SSPN: variants seen among roughly 807,000 people sequenced by gnomAD.
SSPN encodes sarcospan, also known as K-ras oncogene-associated protein.
Under a neutral mutation model 19.1 loss-of-function variants are expected in SSPN, and 15 were observed. The observed-to-expected ratio is 0.78, with a 90% CI of 0.52 to 1.21. SSPN has a LOEUF of 1.21. SSPN is among the 50% of genes most tolerant of loss of function. The probability of loss-of-function intolerance (pLI) is 0.00; values close to 1 mark genes in which losing one functional copy is unlikely to be tolerated. For missense variants in SSPN, 291 were observed against 314.0 expected (o/e 0.93, Z 0.55); for synonymous variants, 147 against 140.3 (o/e 1.05, Z -0.34).
chr12:26,195,435 G>C (rs1168280470), upstream of SSPN: 5 of 656,010 alleles, frequency 7.6e-6, no homozygotes, highest in South Asian at 7.1e-5. Flanking sequence ...AATCCTGCCC[G>C]GGGCCCGGCA....
intron 1 of SSPN, among the ~76,000 whole-genome samples, chr12:26,132,820 T>C (rs1248887146): frequency 6.6e-6 from 1 of 152,240 alleles, no homozygotes; most frequent in Admixed American, 6.5e-5. Context: ...TGTTTGAAGC[T>C]AACTTTGCTC....
At chr12:26,132,924 C>T (rs1944404479) in intron 1 of SSPN, among the ~76,000 whole-genome samples, 1 of 152,228 alleles carries the variant, frequency 6.6e-6, no homozygotes, top group Non-Finnish European at 1.5e-5. Context: ...AGCCCTCACC[C>T]TGACCCCAGT....
At chr12:26,165,755 C>T (rs1944616896) in intron 1 of SSPN, among the ~76,000 whole-genome samples, 1 of 152,146 alleles carries the variant, frequency 6.6e-6, no homozygotes, top group Admixed American at 6.5e-5. Flanking sequence ...TCATTATCAA[C>T]CTAGGATAGA....
intron 1 of SSPN, among the ~76,000 whole-genome samples, chr12:26,148,689 A>G (rs1019510514): frequency 3.3e-5 from 5 of 152,246 alleles, no homozygotes; most frequent in African/African-American, 1.2e-4. Context: ...AGACTGTAAC[A>G]TGGTGCATTT....
At chr12:26,221,797 C>T (rs1049503414) in intron 1 of SSPN, among the ~76,000 whole-genome samples, 2 of 152,184 alleles carry the variant, frequency 1.3e-5, no homozygotes, top group African/African-American at 4.8e-5. Context: ...CACCTACAGA[C>T]AGAAACTCAC....
intron 1 of SSPN, among the ~76,000 whole-genome samples, chr12:26,179,600 G>A (rs187130639): frequency 1.2e-4 from 18 of 152,278 alleles, no homozygotes; most frequent in African/African-American, 3.9e-4. Context: ...CTGCATGGAT[G>A]TGTTTTCAGT....
upstream of SSPN, among the ~76,000 whole-genome samples, chr12:26,191,697 CACACACACACACACACACACA>C (rs1261857962): frequency 5.7e-5 from 4 of 70,420 alleles, no homozygotes; most frequent in Admixed American, 1.3e-4. Flanking sequence ...CACACACACA[CACACACACACACACACACACA>C]AATACACACA....
chr12:26,195,601 CA>C lies in SSPN; in HGVS notation c.-71del. The C allele has an allele frequency of 7.5e-7, 1 of 1,339,340 alleles. No individual in the cohort carries two copies. The highest frequency in any genetic ancestry group is 9.5e-7 in the Non-Finnish European group (1 of 1,051,862). 83.0% of individuals were successfully genotyped at this position (1,339,340 alleles called of 1,614,324 possible). A position where few individuals can be genotyped will look rare whatever the true frequency, so the allele number is the denominator to read the frequency against. On this transcript the variant is annotated 5_prime_UTR_variant, in exon 1 of 3. Transcript: ENST00000242729. ...ATTCGAATACCAGGGCAGGCCGAGC[CA>C]GCCGTGCGCCGCGCTCCAGGGCCCA...
At chr12:26,209,392 G>T (rs1314540098) in intron 1 of SSPN, among the ~76,000 whole-genome samples, 1 of 152,016 alleles carries the variant, frequency 6.6e-6, no homozygotes, top group African/African-American at 2.4e-5. Context: ...AATTAAGTTT[G>T]TTCCCTTTGC....
intron 1 of SSPN, chr12:26,214,644 C>T (rs1315265792): frequency 1.3e-5 from 2 of 152,194 alleles, no homozygotes; most frequent in Non-Finnish European, 2.9e-5. Context: ...CTTGATTTTA[C>T]AGAATCAAAT....
At chr12:26,141,011 C>A (rs1440663053) in intron 1 of SSPN, among the ~76,000 whole-genome samples, 1 of 152,170 alleles carries the variant, frequency 6.6e-6, no homozygotes, top group Non-Finnish European at 1.5e-5. Context: ...AAAGTCCAAT[C>A]TATAGTAGGC....
At chr12:26,208,205 C>T (rs12318384) in intron 1 of SSPN, among the ~76,000 whole-genome samples, 14,742 of 152,142 alleles carry the variant, frequency 0.097, 1,500 homozygotes, top group African/African-American at 0.26. Flanking sequence ...ATATAGACAT[C>T]GTCAAATTAC....
At chr12:26,219,822 A>G (rs1204238120) in intron 1 of SSPN, among the ~76,000 whole-genome samples, 1 of 152,112 alleles carries the variant, frequency 6.6e-6, no homozygotes, top group Non-Finnish European at 1.5e-5. Flanking sequence ...CACACGTGCC[A>G]TTTGCCTTTG....
chr12:26,187,825 C>T (rs930481495), intron 1 of SSPN, among the ~76,000 whole-genome samples: 1 of 152,188 alleles, frequency 6.6e-6, no homozygotes, highest in African/African-American at 2.4e-5. Flanking sequence ...ACTAATTCAG[C>T]AGTTGAAACT....
chr12:26,173,437 T>C (rs907591815), intron 1 of SSPN, among the ~76,000 whole-genome samples: 3 of 152,192 alleles, frequency 2.0e-5, no homozygotes, highest in African/African-American at 7.2e-5. Flanking sequence ...GCATCCCTAC[T>C]CTGGAGCCTT....
chr12:26,206,814 A>G (rs919770716), intron 1 of SSPN, among the ~76,000 whole-genome samples: 4 of 152,218 alleles, frequency 2.6e-5, no homozygotes, highest in Non-Finnish European at 5.9e-5. Flanking sequence ...TTGGAAATTG[A>G]TTATTTTGCA....
chr12:26,129,986 T>C (rs1245596254), intron 1 of SSPN, among the ~76,000 whole-genome samples: 1 of 152,134 alleles, frequency 6.6e-6, no homozygotes, highest in Non-Finnish European at 1.5e-5. Context: ...AATAGGAGGA[T>C]TCCCTGGCCC....
intron 1 of SSPN, among the ~76,000 whole-genome samples, chr12:26,142,838 G>A (rs923629793): frequency 3.3e-5 from 5 of 152,156 alleles, no homozygotes; most frequent in African/African-American, 1.2e-4. Context: ...AATAAAGAAT[G>A]TGCTGTCATC....
chr12:26,202,696 G>T (rs1944897105), intron 1 of SSPN, among the ~76,000 whole-genome samples: 1 of 152,204 alleles, frequency 6.6e-6, no homozygotes, highest in Admixed American at 6.5e-5. Context: ...GCCTTTAGCT[G>T]TATCTGAGAC....
Sources: allele counts gnomAD v4.1 joint callset (sites outside exome capture counted in the v4.1 genomes callset), GRCh38; gene constraint gnomAD v4.1.1; transcripts MANE v1.5; gene names NCBI Gene and HGNC (gene_info 2026-07-23, HGNC 2026-07-21).